The following KREMEN2 variants were observed in gnomAD, a reference collection of about 807,000 sequenced individuals.
KREMEN2 encodes kringle containing transmembrane protein 2.
Under a neutral mutation model 49.8 loss-of-function variants are expected in KREMEN2, and 43 were observed. The observed-to-expected ratio is 0.86, with a 90% CI of 0.68 to 1.11. The LOEUF is 1.11. Ranked by LOEUF, KREMEN2 falls within the 50% of genes most tolerant of loss-of-function variation. The pLI, the probability that KREMEN2 is intolerant of heterozygous loss-of-function variation, is 0.00. For missense variants in KREMEN2, 686 were observed against 665.7 expected (o/e 1.03, Z -0.34); for synonymous variants, 355 against 304.9 (o/e 1.16, Z -1.71).
intron 1 of KREMEN2, 78 bp downstream of exon 1, chr16:2,964,692 C>T: frequency 1.4e-6 from 2 of 1,420,352 alleles, no homozygotes; most frequent in Non-Finnish European, 1.9e-6. Context: ...GCCCCCAAGG[C>T]TAGGGAGGGG....
intron 1 of KREMEN2, 105 bp from the exon 2 acceptor site, chr16:2,964,754 C>G: frequency 7.0e-7 from 1 of 1,431,346 alleles, no homozygotes; most frequent in Non-Finnish European, 9.5e-7. Context: ...CCTGCAGGGG[C>G]GGGTGCGGGG....
In KREMEN2 at chr16:2,966,259, G is replaced by A. The variant is rs766535787; in HGVS notation, c.361+28G>A. The stretch of plus-strand genomic sequence containing the variant: ...GAGTAGCGCGGCTGGACAGAGGTGG[G>A]AACGCTGCTGCATCTGGGAGGAGGG... On this transcript the variant is annotated intron_variant, in intron 3 of 8. Coordinates refer to ENST00000303746, the MANE Select transcript of KREMEN2 (RefSeq NM_172229.3). The surrounding 1 kb of genome is among the most constrained non-coding windows in gnomAD (Gnocchi z 8.4). The A allele has an allele frequency of 7.4e-6, 12 of 1,613,234 alleles. No homozygotes were observed. Among genetic ancestry groups the A allele is most frequent in the Non-Finnish European group, 1.0e-5 (12 of 1,179,954 alleles).
In KREMEN2 at chr16:2,966,791, T is replaced by A; in HGVS notation, c.636T>A (p.Tyr212Ter). The change falls in exon 5 of 9, where the codon TAT becomes TAA. Residue 212 changes from tyrosine to a stop codon, truncating the protein, a stop_gained. Coordinates refer to ENST00000303746, the MANE Select transcript of KREMEN2 (RefSeq NM_172229.3). LOFTEE classifies it high-confidence loss of function. The surrounding 1 kb of genome is among the most constrained non-coding windows in gnomAD (Gnocchi z 8.4). The part of the protein sequence containing the change: ...LCGGDGRLGV[Y>*]EVSVGSCQGN... Reference sequence around the variant, plus strand: ...GCGGCGATGGGCGGCTGGGCGTCTATGAAGGTGAGGAGTGGGCGGGGACCA... The same window carrying A: ...GCGGCGATGGGCGGCTGGGCGTCTAAGAAGGTGAGGAGTGGGCGGGGACCA... 2 of 1,602,694 alleles carry A rather than the reference T, an allele frequency of 1.2e-6. No homozygotes were observed. The highest frequency in any genetic ancestry group is 1.7e-6 in the Non-Finnish European group (2 of 1,172,622).
chr16:2,966,670 G>C lies in KREMEN2; in HGVS notation c.515G>C (p.Cys172Ser). ...QLAGVEAGYA[C>S]FCGSESDLAR... The stretch of plus-strand genomic sequence containing the variant: ...GCGGGCGTGGAGGCCGGTTACGCCT[G>C]CTTCTGTGGCTCTGAAAGCGACCTG... Residue 172 changes from cysteine to serine, a missense_variant, in exon 5 of 9, where the codon TGC becomes TCC. Coordinates refer to ENST00000303746, the MANE Select transcript of KREMEN2 (RefSeq NM_172229.3). The surrounding 1 kb of genome is among the most constrained non-coding windows in gnomAD (Gnocchi z 8.4). 1 of 1,610,976 alleles carries C rather than the reference G, an allele frequency of 6.2e-7. No individual in the cohort carries two copies. The highest frequency in any genetic ancestry group is 8.5e-7 in the Non-Finnish European group (1 of 1,179,918).
At chr16:2,965,419 G>A (rs2071799372) in intron 2 of KREMEN2, among the ~76,000 whole-genome samples, 2 of 152,172 alleles carry the variant, frequency 1.3e-5, no homozygotes, top group Non-Finnish European at 2.9e-5. Context: ...ACGGTCTGAG[G>A]CAGGATGGAC....
Position 2,967,011 on chromosome 16 carries a change from G to T in KREMEN2, c.742G>T (p.Ala248Ser). ...CGGGCCGGACCGGAACTGCAGCTGG[G>T]CCCTGGGCCCGCCAGGCGCCGCGCT... ...EYGPDRNCSW[A>S]LGPPGAALEL... The change falls in exon 6 of 9, where the codon GCC becomes TCC. Residue 248 changes from alanine to serine, a missense_variant. By Grantham distance (99) the Ala-to-Ser change is moderately conservative. Coordinates refer to ENST00000303746, the MANE Select transcript of KREMEN2 (RefSeq NM_172229.3). The T allele has an allele frequency of 6.5e-7, 1 of 1,548,374 alleles. No homozygotes were observed.
rs4786362 is a variant in KREMEN2 at position 2,966,075 on chromosome 16, G to T, written c.270-65G>T. On this transcript the variant is annotated intron_variant, in intron 2 of 8. Transcript: ENST00000303746. This position sits in a 1 kb window ranked among gnomAD's most constrained non-coding sequence, Gnocchi z 8.4. Reference sequence around the variant, plus strand: ...AAGGCCACTTTGAGCATAGGCTGCGGGGCCGGGCCTGGGTTTGCTATTCTT... The same window carrying T: ...AAGGCCACTTTGAGCATAGGCTGCGTGGCCGGGCCTGGGTTTGCTATTCTT... 85 of 1,436,476 alleles carry T rather than the reference G, an allele frequency of 5.9e-5. No homozygotes were observed. In the African/African-American group the frequency reaches 1.1e-3, roughly 18 times the overall value. The allele number at this position is 1,436,476 out of a possible 1,614,324, so 89.0% of individuals were successfully genotyped here. A position where few individuals can be genotyped will look rare whatever the true frequency, so the allele number is the denominator to read the frequency against.
chr16:2,968,106 CTGTG>C lies in KREMEN2; in HGVS notation c.*88_*91del. ...GCTGCGCCCTGCCTCGGCCTTGCGCCTGTGTAGGGGCAGCTCGGCCTCTGGTCGC... is the reference window on the plus strand; with the variant it reads ...GCTGCGCCCTGCCTCGGCCTTGCGCCTAGGGGCAGCTCGGCCTCTGGTCGC... On this transcript the variant is annotated 3_prime_UTR_variant, in exon 9 of 9. Coordinates refer to ENST00000303746, the MANE Select transcript of KREMEN2 (RefSeq NM_172229.3). The C allele has an allele frequency of 7.3e-7, 1 of 1,368,800 alleles. No individual in the cohort carries two copies. 84.8% of individuals were successfully genotyped at this position (1,368,800 alleles called of 1,614,324 possible). A position where few individuals can be genotyped will look rare whatever the true frequency, so the allele number is the denominator to read the frequency against.
chr16:2,964,576 AGCCGCGTGGGGCCTC>A lies in KREMEN2; in HGVS notation c.58_72del (p.Pro20_Ser24del), dbSNP rs746834938. 3 of 1,608,298 alleles carry A rather than the reference AGCCGCGTGGGGCCTC, an allele frequency of 1.9e-6. No homozygotes were observed. Among genetic ancestry groups the A allele is most frequent in the Non-Finnish European group, 1.7e-6 (2 of 1,177,844 alleles). On this transcript the variant is annotated inframe_deletion, in exon 1 of 9. Transcript: ENST00000303746. ...TTTCTCCTCTTCCTCCCGCTGCTGC[AGCCGCGTGGGGCCTC>A]GGCTGGGAGCCTGCACAGTCCAGGT...
chr16:2,966,790 A>T lies in KREMEN2; in HGVS notation c.635A>T (p.Tyr212Phe). 1.2e-6 allele frequency: 2 copies of T among 1,603,330 alleles called. No individual in the cohort carries two copies. Among genetic ancestry groups the T allele is most frequent in the Non-Finnish European group, 1.7e-6 (2 of 1,173,144 alleles). The change falls in exon 5 of 9, where the codon TAT becomes TTT. Residue 212 changes from tyrosine to phenylalanine, a missense_variant. Physicochemically the swap from Tyr to Phe is conservative, Grantham distance 22. Coordinates refer to ENST00000303746, the MANE Select transcript of KREMEN2 (RefSeq NM_172229.3). This position sits in a 1 kb window ranked among gnomAD's most constrained non-coding sequence, Gnocchi z 8.4. ...LCGGDGRLGV[Y>F]EVSVGSCQGN... Reference sequence around the variant, plus strand: ...GGCGGCGATGGGCGGCTGGGCGTCTATGAAGGTGAGGAGTGGGCGGGGACC... The same window carrying T: ...GGCGGCGATGGGCGGCTGGGCGTCTTTGAAGGTGAGGAGTGGGCGGGGACC...
Position 2,967,732 on chromosome 16 carries a change from TCG to T in KREMEN2, c.1179-71_1179-70del, listed in dbSNP as rs754734893. 1.0e-4 allele frequency: 159 copies of T among 1,544,168 alleles called. No individual in the cohort carries two copies. The South Asian group carries it at 1.7e-3, about 17-fold the overall frequency. ...CGAGGCTTTGGGTCCACGCACAGGA[TCG>T]CGCGCGGGATCGCAGGTAGAGCAGG... is the stretch of plus-strand genomic sequence containing the variant. On this transcript the variant is annotated intron_variant, in intron 8 of 8. Coordinates refer to ENST00000303746, the MANE Select transcript of KREMEN2 (RefSeq NM_172229.3).
rs1395080969 is a variant in KREMEN2, at chr16:2,967,083, C to A, written c.814C>A (p.Leu272Met). ...CGAGCTGGCCGACCCGCGCGACCGG[C>A]TGGAGCTGCGCGACGCGGCTTCGGG... Reference protein sequence around the residue: ...LFELADPRDRLELRDAASGSL... With the variant: ...LFELADPRDRMELRDAASGSL... The change falls in exon 6 of 9, where the codon CTG becomes ATG. Residue 272 changes from leucine (L) to methionine (M), a missense_variant. Transcript: ENST00000303746. 4 of 1,511,012 alleles carry A rather than the reference C, an allele frequency of 2.6e-6. No individual in the cohort carries two copies. The South Asian group carries it at 4.9e-5, about 19-fold the overall frequency. 93.6% of individuals were successfully genotyped at this position (1,511,012 alleles called of 1,614,324 possible).
chr16:2,967,162 G>A lies in KREMEN2; in HGVS notation c.893G>A (p.Arg298His), dbSNP rs976732615. The A allele has an allele frequency of 2.2e-6, 3 of 1,381,394 alleles. No homozygotes were observed. The highest frequency in any genetic ancestry group is 9.3e-7 in the Non-Finnish European group (1 of 1,076,822). 85.6% of individuals were successfully genotyped at this position (1,381,394 alleles called of 1,614,324 possible). Reference protein sequence around the residue: ...GARPPPSGPLRLGTAALLLTF... With the variant: ...GARPPPSGPLHLGTAALLLTF... ...CGCCCACCGCCGTCCGGGCCGCTGC[G>A]CCTGGGCACTGCCGCGCTGCTGCTC... is the stretch of plus-strand genomic sequence containing the variant. Residue 298 changes from arginine (R) to histidine (H), a missense_variant, in exon 6 of 9, where the codon CGC becomes CAC. Transcript: ENST00000303746.
At chr16:2,965,906 C>G (rs909119617) in intron 2 of KREMEN2, among the ~76,000 whole-genome samples, 1 of 152,210 alleles carries the variant, frequency 6.6e-6, no homozygotes. Context: ...CTAAAAACAG[C>G]TCTCAAGTCC....
At position 2,966,779 on chromosome 16, in the gene KREMEN2, G is replaced by A; in HGVS notation, c.624G>A (p.Arg208=). ...HPGQLCGGDG[R]LGVYEVSVGS... ...GACAGCTGTGTGGCGGCGATGGGCG[G>A]CTGGGCGTCTATGAAGGTGAGGAGT... is the stretch of plus-strand genomic sequence containing the variant. The change falls in exon 5 of 9, where the codon CGG becomes CGA. Residue 208 remains arginine, a synonymous_variant. Coordinates refer to ENST00000303746, the MANE Select transcript of KREMEN2 (RefSeq NM_172229.3). The surrounding 1 kb of genome is among the most constrained non-coding windows in gnomAD (Gnocchi z 8.4). 6.2e-7 allele frequency: 1 copy of A among 1,611,278 alleles called. No individual in the cohort carries two copies. Among genetic ancestry groups the A allele is most frequent in the Non-Finnish European group, 8.5e-7 (1 of 1,179,504 alleles).
rs1421825406 is a variant in KREMEN2, at chr16:2,968,368, A to T, written c.*348A>T. ...AACCCCCACAGATTTTGAATAAAGG[A>T]TCTACTTTGGTACGGGCCTCGAAAG... On this transcript the variant is annotated 3_prime_UTR_variant, in exon 9 of 9. Coordinates refer to ENST00000303746, the MANE Select transcript of KREMEN2 (RefSeq NM_172229.3). 1.6e-5 allele frequency: 25 copies of T among 1,535,468 alleles called. No homozygotes were observed. The highest frequency in any genetic ancestry group is 2.1e-5 in the Non-Finnish European group (24 of 1,146,810).
Position 2,966,461 on chromosome 16 carries a change from G to A in KREMEN2, c.486+12G>A. The A allele has an allele frequency of 1.2e-6, 2 of 1,609,276 alleles. No individual in the cohort carries two copies. Among genetic ancestry groups the A allele is most frequent in the Non-Finnish European group, 1.7e-6 (2 of 1,179,602 alleles). On this transcript the variant is annotated intron_variant, in intron 4 of 8. Transcript: ENST00000303746. The surrounding 1 kb of genome is among the most constrained non-coding windows in gnomAD (Gnocchi z 8.4). ...TGAAGGGGTACCAGGTACTGCTCAC[G>A]GGCCCAGACCAGTGACCCCTGACCT...
chr16:2,964,752 G>A (rs2071783946), intron 1 of KREMEN2, 107 bp from the exon 2 acceptor site: 3 of 1,432,406 alleles, frequency 2.1e-6, no homozygotes, highest in South Asian at 1.3e-5. Context: ...CTCCTGCAGG[G>A]GCGGGTGCGG....
Position 2,966,699 on chromosome 16 carries a change from CG to C in KREMEN2, c.548del (p.Gly183AspfsTer170). ...CTGTGGCTCTGAAAGCGACCTGGCCCGGGGACGCCTGGCCCCCGCCACCGAC... is the reference window on the plus strand; with the variant it reads ...CTGTGGCTCTGAAAGCGACCTGGCCCGGGACGCCTGGCCCCCGCCACCGAC... ...CFCGSESDLA[R>X]GRLAPATDCD... On this transcript the variant is annotated frameshift_variant, in exon 5 of 9. Transcript: ENST00000303746. LOFTEE classifies it high-confidence loss of function. The surrounding 1 kb of genome is among the most constrained non-coding windows in gnomAD (Gnocchi z 8.4). The C allele has an allele frequency of 6.2e-7, 1 of 1,611,490 alleles. No individual in the cohort carries two copies.
Sources: allele counts gnomAD v4.1 joint callset (sites outside exome capture counted in the v4.1 genomes callset), GRCh38; gene constraint gnomAD v4.1.1; non-coding constraint Gnocchi (gnomAD v3.1); transcripts MANE v1.5; gene names NCBI Gene and HGNC (gene_info 2026-07-23, HGNC 2026-07-21).